Variants in HACE1 observed in about 807,000 individuals in gnomAD.
HACE1 encodes E3 ubiquitin-protein ligase HACE1.
In HACE1, 73 loss-of-function variants were observed where a neutral mutation model predicts 118.4. The ratio of observed to expected loss-of-function variants is 0.62; its 90% confidence interval spans 0.51 to 0.75. HACE1 has a LOEUF of 0.75. Ranked by LOEUF, HACE1 falls within the 30% of genes least tolerant of loss-of-function variation. The probability of loss-of-function intolerance (pLI) is 0.00; values close to 1 mark genes in which losing one functional copy is unlikely to be tolerated. For missense variants in HACE1, 749 were observed against 1,102.2 expected (o/e 0.68, Z 4.54); for synonymous variants, 368 against 374.8 (o/e 0.98, Z 0.21).
At chr6:104,812,399 T>C (rs1771721807) in intron 6 of HACE1, among the ~76,000 whole-genome samples, 2 of 151,922 alleles carry the variant, frequency 1.3e-5, no homozygotes, top group African/African-American at 4.8e-5. Flanking sequence ...TGAATTATAT[T>C]ACACCACTGC....
intron 22 of HACE1, chr6:104,731,855 A>G (rs540470307): frequency 4.1e-4 from 57 of 140,662 alleles, no homozygotes; most frequent in African/African-American, 1.6e-3. Context: ...CAGAACATAC[A>G]AAGAATTCCC....
intron 14 of HACE1, among the ~76,000 whole-genome samples, chr6:104,779,225 G>C (rs1278886163): frequency 3.3e-5 from 5 of 152,146 alleles, no homozygotes; most frequent in Non-Finnish European, 7.4e-5. Flanking sequence ...CAAAAGCTAA[G>C]AGTTTCAAGA....
chr6:104,786,079 A>C (rs962284805), intron 11 of HACE1: 1 of 152,188 alleles, frequency 6.6e-6, no homozygotes, highest in Non-Finnish European at 1.5e-5. Flanking sequence ...TCACGCCTGT[A>C]ATCCCAGCAC....
At chr6:104,855,107 T>C (rs1335783362) in intron 1 of HACE1, among the ~76,000 whole-genome samples, 1 of 152,182 alleles carries the variant, frequency 6.6e-6, no homozygotes, top group Non-Finnish European at 1.5e-5. Context: ...AGTAACAAGC[T>C]GTGTAACAGT....
chr6:104,857,883 G>A (rs1043666268), intron 1 of HACE1, among the ~76,000 whole-genome samples: 2 of 151,316 alleles, frequency 1.3e-5, no homozygotes, highest in South Asian at 2.1e-4. Context: ...CGTGAACCCC[G>A]GAGGCAGAGC....
chr6:104,859,801 G>A lies in HACE1; in HGVS notation c.-159C>T. ...CGAGGGCTGCCTGGGGCCACGTCCT[G>A]CGTCCGGGGGCCGGGCTGCTGCCGG... On this transcript the variant is annotated 5_prime_UTR_variant, in exon 1 of 24. Coordinates refer to ENST00000262903, the MANE Select transcript of HACE1 (RefSeq NM_020771.4). 2 of 625,222 alleles carry A rather than the reference G, an allele frequency of 3.2e-6. No homozygotes were observed. Among genetic ancestry groups the A allele is most frequent in the East Asian group, 3.4e-5 (1 of 29,526 alleles). The allele number at this position is 625,222 out of a possible 1,614,324, so 38.7% of individuals were successfully genotyped here.
chr6:104,780,135 G>A (rs1781576296), intron 14 of HACE1, among the ~76,000 whole-genome samples: 1 of 152,144 alleles, frequency 6.6e-6, no homozygotes, highest in East Asian at 1.9e-4. Flanking sequence ...CTATTTAAAA[G>A]AAAACTTACT....
chr6:104,821,419 A>G (rs1459270767), intron 6 of HACE1, among the ~76,000 whole-genome samples: 2 of 152,204 alleles, frequency 1.3e-5, no homozygotes, highest in Admixed American at 1.3e-4. Context: ...ATACACTGAA[A>G]ATATATATTA....
chr6:104,734,991 A>C (rs1338023417), intron 22 of HACE1, among the ~76,000 whole-genome samples: 1 of 152,160 alleles, frequency 6.6e-6, no homozygotes, highest in African/African-American at 2.4e-5. Flanking sequence ...TGGTTTAAAA[A>C]TTGGAATGTA....
At chr6:104,746,767 T>C (rs188795667) in intron 20 of HACE1, among the ~76,000 whole-genome samples, 2 of 152,328 alleles carry the variant, frequency 1.3e-5, no homozygotes, top group African/African-American at 4.8e-5. Flanking sequence ...GGAGAAATTC[T>C]GTTCCCTGAC....
chr6:104,783,910 A>C (rs112580715), intron 14 of HACE1, among the ~76,000 whole-genome samples, 176 bp downstream of exon 14: 67 of 152,386 alleles, frequency 4.4e-4, no homozygotes, highest in African/African-American at 1.4e-3. Context: ...CTCTGTACAT[A>C]GTAGGCACTC....
Position 104,729,034 on chromosome 6 carries a change from T to C in HACE1, c.*628A>G, listed in dbSNP as rs1774928890. 2 of 152,518 alleles carry C rather than the reference T, an allele frequency of 1.3e-5. No homozygotes were observed. The allele number at this position is 152,518 out of a possible 1,614,324, so 9.4% of individuals were successfully genotyped here. On this transcript the variant is annotated 3_prime_UTR_variant, in exon 24 of 24. Transcript: ENST00000262903. Reference sequence around the variant, plus strand: ...ACTGGCCACTGAAAGATGCAAATAATTCATACAATATAGCGTAAGCTTTCA... The same window carrying C: ...ACTGGCCACTGAAAGATGCAAATAACTCATACAATATAGCGTAAGCTTTCA...
intron 22 of HACE1, among the ~76,000 whole-genome samples, chr6:104,739,137 C>T (rs1360677887): frequency 6.6e-6 from 1 of 152,006 alleles, no homozygotes; most frequent in African/African-American, 2.4e-5. Flanking sequence ...TTGTCACCAC[C>T]AGGCCTGCCC....
chr6:104,854,013 CCTCT>C (rs111625990), intron 1 of HACE1, among the ~76,000 whole-genome samples: 6 of 152,140 alleles, frequency 3.9e-5, no homozygotes, highest in African/African-American at 1.4e-4. Context: ...GGTCTCTCTC[CCTCT>C]CTCTCAAAAT....
At chr6:104,730,479 T>G (rs778935768) in intron 22 of HACE1, 63 bp from the exon 23 acceptor site, 20 of 864,140 alleles carry the variant, frequency 2.3e-5, no homozygotes, top group Non-Finnish European at 3.8e-5. Context: ...CAGATAAATT[T>G]CAAGTTCTAA....
intron 22 of HACE1, among the ~76,000 whole-genome samples, chr6:104,738,792 C>T (rs1401945591): frequency 2.7e-5 from 4 of 145,784 alleles, no homozygotes; most frequent in Admixed American, 2.1e-4. Context: ...GGCAGGCCAA[C>T]GTTCAGATTC....
At chr6:104,809,295 A>G (rs1213564869) in intron 7 of HACE1, among the ~76,000 whole-genome samples, 2 of 152,194 alleles carry the variant, frequency 1.3e-5, no homozygotes, top group African/African-American at 4.8e-5. Context: ...TATGAAGGAA[A>G]TGACTGTGAT....
chr6:104,805,456 A>G (rs997929076), intron 7 of HACE1, among the ~76,000 whole-genome samples: 1 of 152,190 alleles, frequency 6.6e-6, no homozygotes, highest in Non-Finnish European at 1.5e-5. Flanking sequence ...AACCAACCCA[A>G]ATGTCCATCC....
chr6:104,775,275 C>G (rs1781109878), intron 17 of HACE1, among the ~76,000 whole-genome samples: 1 of 151,996 alleles, frequency 6.6e-6, no homozygotes, highest in South Asian at 2.1e-4. Context: ...ATACCAGCTA[C>G]TCGGGAGGCT....
Sources: allele counts gnomAD v4.1 joint callset (sites outside exome capture counted in the v4.1 genomes callset), GRCh38; gene constraint gnomAD v4.1.1; transcripts MANE v1.5; gene names NCBI Gene and HGNC (gene_info 2026-07-23, HGNC 2026-07-21).